Variants in ABTB3 observed in about 807,000 individuals in gnomAD.
ABTB3 encodes the protein ankyrin repeat and BTB domain containing 3, also known as ankyrin repeat- and BTB/POZ domain-containing protein 3.
At chr12:107,619,862 A>T in the ABTB3 span, 5 of 839,468 alleles carry the variant, frequency 6.0e-6, no homozygotes, top group Non-Finnish European at 7.2e-6. Context: ...CTCGTCATTT[A>T]GTAATGTCCT....
At chr12:107,358,056 A>G in the ABTB3 span, among the ~76,000 whole-genome samples, 1 of 152,076 alleles carries the variant, frequency 6.6e-6, no homozygotes, top group Non-Finnish European at 1.5e-5. Context: ...TAAATTGCCT[A>G]CAATGAACCA....
the ABTB3 span, among the ~76,000 whole-genome samples, chr12:107,629,858 A>C: frequency 6.6e-6 from 1 of 152,180 alleles, no homozygotes; most frequent in Non-Finnish European, 1.5e-5. Flanking sequence ...GTTTTGATCC[A>C]GGACTTACCA....
At chr12:107,491,835 A>AG in the ABTB3 span, among the ~76,000 whole-genome samples, 16 of 151,892 alleles carry the variant, frequency 1.1e-4, no homozygotes, top group Middle Eastern at 3.4e-3. Flanking sequence ...AAAAAAAAAA[A>AG]AAAAAAACCC....
chr12:107,504,371 A>T, the ABTB3 span, among the ~76,000 whole-genome samples: 1 of 151,738 alleles, frequency 6.6e-6, no homozygotes, highest in Non-Finnish European at 1.5e-5. Context: ...AATCTCCTCC[A>T]TGCCCGTAAA....
At chr12:107,572,405 C>T in the ABTB3 span, among the ~76,000 whole-genome samples, 1 of 151,938 alleles carries the variant, frequency 6.6e-6, no homozygotes, top group Non-Finnish European at 1.5e-5. Context: ...TTTCAAGCCA[C>T]CAAGTTTGTG....
chr12:107,612,591 G>A, the ABTB3 span, among the ~76,000 whole-genome samples: 2 of 152,172 alleles, frequency 1.3e-5, no homozygotes, highest in South Asian at 2.1e-4. Context: ...CTCCTTCGTC[G>A]CCTCTATTTT....
the ABTB3 span, among the ~76,000 whole-genome samples, chr12:107,529,513 A>G: frequency 2.0e-5 from 3 of 152,166 alleles, no homozygotes; most frequent in East Asian, 5.8e-4. Flanking sequence ...GAATAATAGT[A>G]CTGAATTCTT....
chr12:107,566,082 C>T, the ABTB3 span, among the ~76,000 whole-genome samples: 10 of 152,266 alleles, frequency 6.6e-5, no homozygotes, highest in East Asian at 9.6e-4. Flanking sequence ...TTCCTTCTTG[C>T]GCACATAGAG....
the ABTB3 span, among the ~76,000 whole-genome samples, chr12:107,453,485 G>A: frequency 1.3e-5 from 2 of 152,126 alleles, no homozygotes; most frequent in African/African-American, 4.8e-5. Context: ...CAGAAAGAAA[G>A]TGCCAACTAT....
the ABTB3 span, among the ~76,000 whole-genome samples, chr12:107,415,520 A>G: frequency 1.3e-5 from 2 of 152,000 alleles, no homozygotes; most frequent in Non-Finnish European, 2.9e-5. Flanking sequence ...CATCCTGGCT[A>G]ACATGGTGAA....
chr12:107,383,702 T>C, the ABTB3 span, among the ~76,000 whole-genome samples: 1 of 152,212 alleles, frequency 6.6e-6, no homozygotes, highest in Non-Finnish European at 1.5e-5. Context: ...GTCGACTGTT[T>C]GGAGCTTTGC....
At chr12:107,608,988 AATAAAATAAAATAAAATAAAAT>A in the ABTB3 span, among the ~76,000 whole-genome samples, 1 of 134,884 alleles carries the variant, frequency 7.4e-6, no homozygotes, top group Admixed American at 7.3e-5. Flanking sequence ...AATAAAATAA[AATAAAATAAAATAAAATAAAAT>A]AAAGACACAG....
chr12:107,335,363 A>T, the ABTB3 span, among the ~76,000 whole-genome samples: 2 of 148,140 alleles, frequency 1.4e-5, no homozygotes, highest in Non-Finnish European at 3.0e-5. Context: ...AACCACACTA[A>T]CCATAATGAT....
At chr12:107,569,700 T>C in the ABTB3 span, among the ~76,000 whole-genome samples, 1 of 152,344 alleles carries the variant, frequency 6.6e-6, no homozygotes, top group Middle Eastern at 3.4e-3. Flanking sequence ...TTATAGGAAC[T>C]GATACAAGCA....
the ABTB3 span, among the ~76,000 whole-genome samples, chr12:107,420,201 G>A: frequency 2.0e-5 from 3 of 152,150 alleles, no homozygotes; most frequent in African/African-American, 7.2e-5. Context: ...TTCCGATGAT[G>A]TCCTTCTTGA....
At chr12:107,611,617 G>A in the ABTB3 span, among the ~76,000 whole-genome samples, 2 of 152,182 alleles carry the variant, frequency 1.3e-5, no homozygotes, top group Non-Finnish European at 2.9e-5. Context: ...GTATTTACAC[G>A]AGTGTTTGTT....
chr12:107,430,732 T>C, the ABTB3 span, among the ~76,000 whole-genome samples: 1 of 152,250 alleles, frequency 6.6e-6, no homozygotes, highest in African/African-American at 2.4e-5. Flanking sequence ...ATGATGTTGA[T>C]TATTAGAGAG....
the ABTB3 span, among the ~76,000 whole-genome samples, chr12:107,398,715 G>C: frequency 2.0e-5 from 3 of 152,106 alleles, no homozygotes; most frequent in East Asian, 1.9e-4. Context: ...GACAGGTAGG[G>C]GGGTGGATGA....
At chr12:107,608,712 T>A in the ABTB3 span, among the ~76,000 whole-genome samples, 4 of 151,356 alleles carry the variant, frequency 2.6e-5, no homozygotes, top group South Asian at 2.1e-4. Flanking sequence ...TTTACAAAAA[T>A]TTTTTTTGAT....
Sources: gnomAD v4.1 joint callset for allele counts (sites outside exome capture counted in the v4.1 genomes callset) on GRCh38, gnomAD v4.1.1 for gene constraint, MANE v1.5 for transcripts, NCBI Gene and HGNC (gene_info 2026-07-23, HGNC 2026-07-21) for gene names.